Variants in ADAT1 observed in about 807,000 individuals in gnomAD.
The protein encoded by ADAT1 is adenosine deaminase tRNA specific 1, also known as tRNA-specific adenosine deaminase 1.
A neutral mutation model predicts 58.6 loss-of-function variants in ADAT1; 58 were observed. The observed-to-expected ratio is 0.99, with a 90% CI of 0.80 to 1.23. The LOEUF is 1.23. Among genes scored for constraint, ADAT1 ranks in the 50% most tolerant of loss-of-function variants. The pLI, the probability that ADAT1 is intolerant of heterozygous loss-of-function variation, is 0.00. For missense variants in ADAT1, 741 were observed against 608.6 expected, an observed-to-expected ratio of 1.22 and a Z score of -2.29; for synonymous variants, 254 against 220.8, an observed-to-expected ratio of 1.15 and a Z score of -1.33.
chr16:75,611,918 C>T (rs965943386), intron 6 of ADAT1, among the ~76,000 whole-genome samples: 14 of 151,766 alleles, frequency 9.2e-5, no homozygotes, highest in Non-Finnish European at 1.9e-4. Context: ...ATTAGCCAGG[C>T]GTGGTGGCGC....
At position 75,597,226 on chromosome 16, in the gene ADAT1, G is replaced by A. The variant is rs76741263; in HGVS notation, c.*2990C>T. 0.033 allele frequency: 10,377 copies of A among 317,658 alleles called. 316 individuals are homozygous for A. The highest frequency in any genetic ancestry group is 0.088 in the African/African-American group (4,023 of 45,812). 19.7% of individuals were successfully genotyped at this position (317,658 alleles called of 1,614,324 possible). A position where few individuals can be genotyped will look rare whatever the true frequency, so the allele number is the denominator to read the frequency against. ...GATGAAATCAGACTGGATTAGGGCA[G>A]GCCCTAAATCCAATTACTGGGGTCC... On this transcript the variant is annotated 3_prime_UTR_variant, in exon 10 of 10. Transcript: ENST00000564657.
chr16:75,610,215 C>T (rs77786770), intron 6 of ADAT1, among the ~76,000 whole-genome samples: 4,800 of 152,158 alleles, frequency 0.032, 99 homozygotes, highest in African/African-American at 0.05. Context: ...CATTCATCCA[C>T]TAATGGACAT....
rs748208437 is a variant in ADAT1, at chr16:75,620,753, C to T, written c.47G>A (p.Gly16Glu). 10 of 1,614,156 alleles carry T rather than the reference C, an allele frequency of 6.2e-6. No homozygotes were observed. Among genetic ancestry groups the T allele is most frequent in the Non-Finnish European group, 8.5e-6 (10 of 1,180,038 alleles). The part of the protein sequence containing the change: ...EIAQLCYEHY[G>E]IRLPKKGKPE... ...CTTCCCCTTCTTGGGCAGCCTGATC[C>T]CATAGTGTTCATAGCATAGCTGAGC... The change falls in exon 2 of 10, where the codon GGG becomes GAG. Residue 16 changes from glycine to glutamate, a missense_variant. Coordinates refer to ENST00000564657, the MANE Select transcript of ADAT1 (RefSeq NM_001324445.2).
rs560824383 is a variant in ADAT1 at position 75,613,004 on chromosome 16, G to A, written c.425-143C>T. The A allele has an allele frequency of 1.1e-4, 111 of 1,002,866 alleles. 1 individual carries two copies. In the South Asian group the frequency reaches 1.9e-3, roughly 17 times the overall value. The allele number at this position is 1,002,866 out of a possible 1,614,324, so 62.1% of individuals were successfully genotyped here. A position where few individuals can be genotyped will look rare whatever the true frequency, so the allele number is the denominator to read the frequency against. The stretch of plus-strand genomic sequence containing the variant: ...TGCTGAATCAGAAACTCCGGAGGCA[G>A]AGCCCAGCAGTGTGTTTTTAACAAG... On this transcript the variant is annotated intron_variant, in intron 5 of 9. Coordinates refer to ENST00000564657, the MANE Select transcript of ADAT1 (RefSeq NM_001324445.2).
At chr16:75,602,841 T>C (rs767068882) in intron 9 of ADAT1, among the ~76,000 whole-genome samples, 6 of 152,228 alleles carry the variant, frequency 3.9e-5, no homozygotes, top group Non-Finnish European at 8.8e-5. Flanking sequence ...GGGCCTGGAA[T>C]GGCCAAGCCC....
At chr16:75,607,737 G>A (rs1213265396) in intron 8 of ADAT1, among the ~76,000 whole-genome samples, 1 of 152,066 alleles carries the variant, frequency 6.6e-6, no homozygotes, top group Admixed American at 6.6e-5. Flanking sequence ...GTATACCCAA[G>A]AAAATTGAAA....
intron 1 of ADAT1, among the ~76,000 whole-genome samples, chr16:75,622,058 G>A (rs922227359): frequency 3.3e-5 from 5 of 152,226 alleles, no homozygotes; most frequent in African/African-American, 9.6e-5. Flanking sequence ...GCTGAGGCAG[G>A]AGAATCGCTT....
In ADAT1 at chr16:75,598,815, G is replaced by A. The variant is rs531009945; in HGVS notation, c.*1401C>T. 16 of 878,572 alleles carry A rather than the reference G, an allele frequency of 1.8e-5. No individual in the cohort carries two copies. Among genetic ancestry groups the A allele is most frequent in the African/African-American group, 1.3e-4 (7 of 55,032 alleles). 54.4% of individuals were successfully genotyped at this position (878,572 alleles called of 1,614,324 possible). ...ATTACAGGCGTAAGCCACCGTGCCC[G>A]GCCTAAAAACTTTTAAAATGTATAC... is the stretch of plus-strand genomic sequence containing the variant. On this transcript the variant is annotated 3_prime_UTR_variant, in exon 10 of 10. Transcript: ENST00000564657.
intron 3 of ADAT1, chr16:75,619,771 G>A (rs1022500578): frequency 8.0e-6 from 3 of 373,120 alleles, no homozygotes; most frequent in South Asian, 1.9e-5. Context: ...TTAGCTGGGC[G>A]TGATGGTGGG....
At chr16:75,620,562 C>A in intron 2 of ADAT1, 69 bp downstream of exon 2, 1 of 1,552,646 alleles carries the variant, frequency 6.4e-7, no homozygotes, top group South Asian at 1.2e-5. Context: ...ACTGTACCCT[C>A]ACAGTACAGC....
chr16:75,599,304 A>G lies in ADAT1; in HGVS notation c.*912T>C. The stretch of plus-strand genomic sequence containing the variant: ...ACCAGGTTGGCCAGGCTGGTCTTGA[A>G]CTCCTGACCTCAAGTGATCTGCCTG... On this transcript the variant is annotated 3_prime_UTR_variant, in exon 10 of 10. Coordinates refer to ENST00000564657, the MANE Select transcript of ADAT1 (RefSeq NM_001324445.2). The G allele has an allele frequency of 1.1e-6, 1 of 934,820 alleles. No individual in the cohort carries two copies. 57.9% of individuals were successfully genotyped at this position (934,820 alleles called of 1,614,324 possible).
intron 3 of ADAT1, 46 bp downstream of exon 3, chr16:75,620,220 A>G (rs769891816): frequency 1.9e-6 from 3 of 1,588,130 alleles, no homozygotes; most frequent in Middle Eastern, 1.7e-4. Context: ...AAACATGGAC[A>G]CTGGTTTCAA....
rs1053260146 is a variant in ADAT1 at position 75,599,696 on chromosome 16, T to C, written c.*520A>G. 77 of 987,454 alleles carry C rather than the reference T, an allele frequency of 7.8e-5. No homozygotes were observed. The highest frequency in any genetic ancestry group is 3.4e-5 in the Non-Finnish European group (28 of 831,200). The allele number at this position is 987,454 out of a possible 1,614,324, so 61.2% of individuals were successfully genotyped here. Reference sequence around the variant, plus strand: ...AGTCCAGGGCTGGCTCACAGGCTATTCCTAGAGCCAGGGAGTAAGGTTAGC... The same window carrying C: ...AGTCCAGGGCTGGCTCACAGGCTATCCCTAGAGCCAGGGAGTAAGGTTAGC... On this transcript the variant is annotated 3_prime_UTR_variant, in exon 10 of 10. Transcript: ENST00000564657.
rs558099413 is a variant in ADAT1, at chr16:75,612,824, T to C, written c.462A>G (p.Glu154=). 82 of 1,613,904 alleles carry C rather than the reference T, an allele frequency of 5.1e-5. 1 individual carries two copies. The South Asian group carries it at 8.2e-4, about 16-fold the overall frequency. The change falls in exon 6 of 10, where the codon GAA becomes GAG. Residue 154 remains glutamate, a synonymous_variant. Coordinates refer to ENST00000564657, the MANE Select transcript of ADAT1 (RefSeq NM_001324445.2). ...DASIIPMLEF[E]DQPCCPVFRN... is the part of the protein sequence containing the mutation. ...TGAAGACAGGACAGCAAGGCTGATC[T>C]TCAAACTCAAGCATCGGAATGATGG...
At chr16:75,621,098 T>C (rs1293975930) in intron 1 of ADAT1, among the ~76,000 whole-genome samples, 5 of 151,992 alleles carry the variant, frequency 3.3e-5, no homozygotes, top group Admixed American at 3.3e-4. Flanking sequence ...CTGCATCCTC[T>C]ACTCAACATT....
intron 7 of ADAT1, among the ~76,000 whole-genome samples, chr16:75,608,596 C>A (rs759611906): frequency 6.6e-6 from 1 of 152,136 alleles, no homozygotes; most frequent in Non-Finnish European, 1.5e-5. Context: ...CTGAATCTTC[C>A]CAATAACCCT....
intron 8 of ADAT1, among the ~76,000 whole-genome samples, chr16:75,607,872 G>A (rs990541202): frequency 6.6e-6 from 1 of 152,090 alleles, no homozygotes; most frequent in East Asian, 1.9e-4. Flanking sequence ...AACAAAATGT[G>A]GTATATCCAC....
chr16:75,603,294 C>A, intron 8 of ADAT1, 123 bp from the exon 9 acceptor site: 1 of 786,764 alleles, frequency 1.3e-6, no homozygotes, highest in South Asian at 1.6e-5. Context: ...TCATTTTCAC[C>A]TGTACTTGGT....
intron 2 of ADAT1, 71 bp downstream of exon 2, chr16:75,620,560 C>T (rs1205570589): frequency 1.3e-6 from 2 of 1,548,992 alleles, no homozygotes; most frequent in Admixed American, 1.7e-5. Context: ...CGACTGTACC[C>T]TCACAGTACA....
Sources: gnomAD v4.1 joint callset for allele counts (sites outside exome capture counted in the v4.1 genomes callset) on GRCh38, gnomAD v4.1.1 for gene constraint, MANE v1.5 for transcripts, NCBI Gene and HGNC (gene_info 2026-07-23, HGNC 2026-07-21) for gene names.